The following UNC5D variants were observed in gnomAD, a reference collection of about 807,000 sequenced individuals.
The protein encoded by UNC5D is unc-5 netrin receptor D, also known as netrin receptor UNC5D.
Under a neutral mutation model 105.4 loss-of-function variants are expected in UNC5D, and 39 were observed. The ratio of observed to expected loss-of-function variants is 0.37; its 90% CI spans 0.29 to 0.48. The LOEUF is 0.48. Among genes scored for constraint, UNC5D ranks in the 20% least tolerant of loss-of-function variants. The pLI, the probability that UNC5D is intolerant of heterozygous loss-of-function variation, is 0.98. For missense variants in UNC5D, 991 were observed against 1,202.4 expected, an observed-to-expected ratio of 0.82 and a Z score of 2.60; for synonymous variants, 452 against 450.4, an observed-to-expected ratio of 1.00 and a Z score of -0.04.
At chr8:35,661,102 A>G (rs1392845277) in intron 4 of UNC5D, among the ~76,000 whole-genome samples, 1 of 151,960 alleles carries the variant, frequency 6.6e-6, no homozygotes, top group Non-Finnish European at 1.5e-5. Flanking sequence ...TATCAGGTTA[A>G]GAAAAATTAA....
At chr8:35,764,761 A>G (rs1801691181) in intron 14 of UNC5D, among the ~76,000 whole-genome samples, 1 of 152,230 alleles carries the variant, frequency 6.6e-6, no homozygotes, top group Non-Finnish European at 1.5e-5. Context: ...TGAAAAGCAC[A>G]CTTAGTGATC....
At chr8:35,560,808 A>G (rs1208865899) in intron 2 of UNC5D, among the ~76,000 whole-genome samples, 1 of 152,300 alleles carries the variant, frequency 6.6e-6, no homozygotes, top group East Asian at 1.9e-4. Context: ...GTTGTTTTAT[A>G]TGCACTTTGC....
chr8:35,560,766 C>T (rs998258007), intron 2 of UNC5D, among the ~76,000 whole-genome samples: 3 of 152,064 alleles, frequency 2.0e-5, no homozygotes, highest in Admixed American at 6.5e-5. Flanking sequence ...ACTCTGATGC[C>T]ACTGGTTGGG....
At chr8:35,764,851 G>A (rs1324408388) in intron 14 of UNC5D, among the ~76,000 whole-genome samples, 1 of 152,178 alleles carries the variant, frequency 6.6e-6, no homozygotes, top group Non-Finnish European at 1.5e-5. Flanking sequence ...TTTCAGGGTT[G>A]CCCAACTCAC....
intron 1 of UNC5D, among the ~76,000 whole-genome samples, chr8:35,423,316 C>T (rs1806034530): frequency 6.6e-6 from 1 of 152,170 alleles, no homozygotes; most frequent in South Asian, 2.1e-4. Flanking sequence ...CAGGTTCTGC[C>T]CTACAGATGC....
intron 13 of UNC5D, among the ~76,000 whole-genome samples, chr8:35,755,094 A>G (rs993516528): frequency 6.6e-6 from 1 of 152,126 alleles, no homozygotes; most frequent in Non-Finnish European, 1.5e-5. Context: ...AAGATTGAGA[A>G]ATGGTGATAT....
chr8:35,312,270 A>C (rs964179851), intron 1 of UNC5D, among the ~76,000 whole-genome samples: 1 of 152,226 alleles, frequency 6.6e-6, no homozygotes, highest in African/African-American at 2.4e-5. Flanking sequence ...TAATTGTCAA[A>C]TATGTAATTG....
chr8:35,418,377 C>T (rs1805661801), intron 1 of UNC5D, among the ~76,000 whole-genome samples: 2 of 152,104 alleles, frequency 1.3e-5, no homozygotes, highest in South Asian at 4.1e-4. Context: ...TCTGCGAGTG[C>T]CAAAAGCTTG....
At chr8:35,745,924 G>A (rs1329543139) in intron 11 of UNC5D, among the ~76,000 whole-genome samples, 1 of 151,988 alleles carries the variant, frequency 6.6e-6, no homozygotes, top group Non-Finnish European at 1.5e-5. Context: ...CCTTGTTGTG[G>A]ATTATGCAAT....
intron 13 of UNC5D, among the ~76,000 whole-genome samples, chr8:35,756,005 G>A (rs1830502572): frequency 6.6e-6 from 1 of 152,134 alleles, no homozygotes; most frequent in South Asian, 2.1e-4. Context: ...GAGTAATACA[G>A]TAGGCTCAGG....
intron 1 of UNC5D, among the ~76,000 whole-genome samples, chr8:35,258,041 A>G (rs1804202298): frequency 6.6e-6 from 1 of 152,170 alleles, no homozygotes; most frequent in Non-Finnish European, 1.5e-5. Flanking sequence ...CATAGTAGAC[A>G]TTTCTTGCTC....
At chr8:35,728,704 G>T (rs61565614) in intron 10 of UNC5D, among the ~76,000 whole-genome samples, 6 of 152,162 alleles carry the variant, frequency 3.9e-5, no homozygotes, top group Non-Finnish European at 7.3e-5. Context: ...CTAAATTATT[G>T]TATGGTGCCT....
chr8:35,399,101 C>T (rs1401292658), intron 1 of UNC5D, among the ~76,000 whole-genome samples: 1 of 139,290 alleles, frequency 7.2e-6, no homozygotes, highest in African/African-American at 2.7e-5. Context: ...GGCGAGATGA[C>T]ACGACTGTAC....
At chr8:35,293,236 C>A (rs1807211074) in intron 1 of UNC5D, among the ~76,000 whole-genome samples, 1 of 151,956 alleles carries the variant, frequency 6.6e-6, no homozygotes, top group Admixed American at 6.6e-5. Flanking sequence ...TTTGATGTAG[C>A]TTTATGGGAA....
At chr8:35,390,951 G>A (rs1803732317) in intron 1 of UNC5D, among the ~76,000 whole-genome samples, 1 of 152,222 alleles carries the variant, frequency 6.6e-6, no homozygotes, top group African/African-American at 2.4e-5. Flanking sequence ...AGTGGGCAAT[G>A]TCCAAGTACT....
At chr8:35,404,922 G>A (rs1279300778) in intron 1 of UNC5D, among the ~76,000 whole-genome samples, 1 of 152,110 alleles carries the variant, frequency 6.6e-6, no homozygotes, top group Admixed American at 6.6e-5. Context: ...TCAAGTTGGA[G>A]AAGCATTGGT....
At chr8:35,496,053 A>G (rs1415880665) in intron 1 of UNC5D, among the ~76,000 whole-genome samples, 4 of 152,236 alleles carry the variant, frequency 2.6e-5, no homozygotes, top group Non-Finnish European at 5.9e-5. Flanking sequence ...TTTTAGAACA[A>G]TAATTGTGGT....
At chr8:35,534,548 G>A (rs991773040) in intron 1 of UNC5D, among the ~76,000 whole-genome samples, 3 of 151,214 alleles carry the variant, frequency 2.0e-5, no homozygotes, top group South Asian at 4.2e-4. Context: ...TTCTGCTTGA[G>A]AAACTTTGGG....
At chr8:35,728,597 C>G (rs1283389012) in intron 10 of UNC5D, among the ~76,000 whole-genome samples, 3 of 152,146 alleles carry the variant, frequency 2.0e-5, no homozygotes, top group Non-Finnish European at 2.9e-5. Context: ...AACATATGCT[C>G]TGTTATTTGC....
Sources: gnomAD v4.1 joint callset for allele counts (sites outside exome capture counted in the v4.1 genomes callset) on GRCh38, gnomAD v4.1.1 for gene constraint, MANE v1.5 for transcripts, NCBI Gene and HGNC (gene_info 2026-07-23, HGNC 2026-07-21) for gene names.